GGA1: variants seen among roughly 807,000 people sequenced by gnomAD.
GGA1 encodes ADP-ribosylation factor-binding protein GGA1.
In GGA1, 18 loss-of-function variants were observed where a neutral mutation model predicts 76.9. That is an observed-to-expected ratio of 0.23 (90% CI 0.16 to 0.35). The LOEUF is 0.35. GGA1 is among the 10% of genes least tolerant of loss of function. The pLI is 1.00. For synonymous variants in GGA1, 342 were observed against 354.7 expected (o/e 0.96, Z 0.40); for missense variants, 755 against 859.0 (o/e 0.88, Z 1.51).
intron 3 of GGA1, chr22:37,617,379 TA>T: frequency 9.0e-7 from 1 of 1,106,246 alleles, no homozygotes; most frequent in Non-Finnish European, 1.1e-6. Flanking sequence ...TTTGTAAAGC[TA>T]AGGGGTGGTG....
intron 4 of GGA1, 90 bp from the exon 5 acceptor site, chr22:37,620,148 C>A: frequency 1.4e-6 from 2 of 1,474,584 alleles, no homozygotes; most frequent in Non-Finnish European, 1.9e-6. Context: ...CCCGGGGAGT[C>A]CTGGGGAGGC....
chr22:37,625,752 C>T lies in GGA1; in HGVS notation c.941-45C>T, dbSNP rs367881792. On this transcript the variant is annotated intron_variant, in intron 10 of 16. Coordinates refer to ENST00000343632, the MANE Select transcript of GGA1 (RefSeq NM_013365.5). The surrounding 1 kb of genome is among the most constrained non-coding windows in gnomAD (Gnocchi z 4.1). ...CGCAACCCCTGTGGACTCTGAGAGACACGTGTACACCCAGGACTTGCCAGC... is the reference window on the plus strand; with the variant it reads ...CGCAACCCCTGTGGACTCTGAGAGATACGTGTACACCCAGGACTTGCCAGC... The T allele has an allele frequency of 1.5e-5, 22 of 1,462,128 alleles. No individual in the cohort carries two copies. The highest frequency in any genetic ancestry group is 4.3e-5 in the Admixed American group (2 of 46,398). The allele number at this position is 1,462,128 out of a possible 1,614,324, so 90.6% of individuals were successfully genotyped here.
intron 13 of GGA1, chr22:37,630,635 C>T (rs1423323145): frequency 5.8e-6 from 3 of 517,052 alleles, no homozygotes; most frequent in African/African-American, 2.0e-5. Context: ...GGCATGATCT[C>T]GGCTCACTGC....
In GGA1 at chr22:37,632,935, C is replaced by A. The variant is rs11913963; in HGVS notation, c.*224C>A. The A allele has an allele frequency of 1.8e-6, 1 of 560,658 alleles. No individual in the cohort carries two copies. Among genetic ancestry groups the A allele is most frequent in the South Asian group, 2.2e-5 (1 of 44,698 alleles). 34.7% of individuals were successfully genotyped at this position (560,658 alleles called of 1,614,324 possible). A position where few individuals can be genotyped will look rare whatever the true frequency, so the allele number is the denominator to read the frequency against. On this transcript the variant is annotated 3_prime_UTR_variant, in exon 17 of 17. Transcript: ENST00000343632. This position sits in a 1 kb window ranked among gnomAD's most constrained non-coding sequence, Gnocchi z 5.1. The stretch of plus-strand genomic sequence containing the variant: ...TAGGAGGCTGGGCCTGGGTTTGTGC[C>A]GCTGGGGTCTCCATCACCGGGACCT...
rs1930517854 is a variant in GGA1 at position 37,624,832 on chromosome 22, AGAC to A, written c.833-134_833-132del. The A allele has an allele frequency of 2.5e-6, 3 of 1,213,618 alleles. No individual in the cohort carries two copies. In the South Asian group the frequency reaches 4.4e-5, roughly 18 times the overall value. 75.2% of individuals were successfully genotyped at this position (1,213,618 alleles called of 1,614,324 possible). ...GGTGGCGGAGGGCCAGAGTCTCAGC[AGAC>A]GAGATGGGCTGTTTCCCTGCCCCTT... On this transcript the variant is annotated intron_variant, in intron 9 of 16. Coordinates refer to ENST00000343632, the MANE Select transcript of GGA1 (RefSeq NM_013365.5). The surrounding 1 kb of genome is among the most constrained non-coding windows in gnomAD (Gnocchi z 4.3).
intron 6 of GGA1, 149 bp downstream of exon 6, chr22:37,621,062 G>T: frequency 1.5e-6 from 1 of 647,236 alleles, no homozygotes; most frequent in Non-Finnish European, 2.8e-6. Flanking sequence ...TGTTTACTGG[G>T]CATTTAATAT....
At chr22:37,611,302 C>G (rs1011109606) in intron 1 of GGA1, among the ~76,000 whole-genome samples, 2 of 152,054 alleles carry the variant, frequency 1.3e-5, no homozygotes, top group Non-Finnish European at 2.9e-5. Context: ...CCGATCTCAG[C>G]TCAGCTCTGA....
rs766603973 is a variant in GGA1 at position 37,618,496 on chromosome 22, G to A, written c.253G>A (p.Val85Met). The part of the protein sequence containing the change: ...KSCGKRFHDE[V>M]GKFRFLNELI... ...CTGCGGCAAGCGGTTCCACGACGAA[G>A]TGGGCAAGTTCCGCTTTCTCAACGA... is the stretch of plus-strand genomic sequence containing the variant. Residue 85 changes from valine to methionine, a missense_variant, in exon 4 of 17, where the codon GTG (valine) becomes ATG (methionine). By Grantham distance (21) the Val-to-Met change is conservative. Transcript: ENST00000343632. The A allele has an allele frequency of 1.2e-6, 2 of 1,613,810 alleles. No homozygotes were observed.
intron 11 of GGA1, among the ~76,000 whole-genome samples, chr22:37,628,986 G>T (rs568652583): frequency 6.6e-5 from 10 of 152,350 alleles, no homozygotes; most frequent in African/African-American, 2.2e-4. Flanking sequence ...CTCCAGTCCA[G>T]CCCTGTCCTC....
At position 37,632,367 on chromosome 22, in the gene GGA1, C is replaced by G; in HGVS notation, c.1699-38C>G. 1 of 1,464,912 alleles carries G rather than the reference C, an allele frequency of 6.8e-7. No homozygotes were observed. The highest frequency in any genetic ancestry group is 1.1e-5 in the South Asian group (1 of 88,146). The allele number at this position is 1,464,912 out of a possible 1,614,324, so 90.7% of individuals were successfully genotyped here. A position where few individuals can be genotyped will look rare whatever the true frequency, so the allele number is the denominator to read the frequency against. ...TGGTTCCTCAGAGCAGGACAAGCAG[C>G]CAGGGCTAGCTGTGCCCATCCTGCC... On this transcript the variant is annotated intron_variant, in intron 15 of 16. Transcript: ENST00000343632. The surrounding 1 kb of genome is among the most constrained non-coding windows in gnomAD (Gnocchi z 5.1).
At position 37,632,740 on chromosome 22, in the gene GGA1, A is replaced by G. The variant is rs1161998834; in HGVS notation, c.*29A>G. On this transcript the variant is annotated 3_prime_UTR_variant, in exon 17 of 17. Transcript: ENST00000343632. The surrounding 1 kb of genome is among the most constrained non-coding windows in gnomAD (Gnocchi z 5.1). ...AGAGGGGCTGGGGAGAGGAAGGGGC[A>G]GAGGGACCGGTCACTGTCCAGCCTG... The G allele has an allele frequency of 1.2e-5, 16 of 1,319,774 alleles. No individual in the cohort carries two copies. The highest frequency in any genetic ancestry group is 2.5e-5 in the East Asian group (1 of 40,678). 81.8% of individuals were successfully genotyped at this position (1,319,774 alleles called of 1,614,324 possible).
rs560027511 is a variant in GGA1, at chr22:37,631,056, C to T, written c.1485C>T (p.Leu495=). Reference sequence around the variant, plus strand: ...CGCAGCAGCCCGTACCAACCGAGCTCTCACTGGCCAGCATCACTGTGCCCC... The same window carrying T: ...CGCAGCAGCCCGTACCAACCGAGCTTTCACTGGCCAGCATCACTGTGCCCC... The part of the protein sequence containing the change: ...RPPQQPVPTE[L]SLASITVPLE... The change falls in exon 14 of 17, where the codon CTC becomes CTT. Residue 495 remains leucine (L), a synonymous_variant. Coordinates refer to ENST00000343632, the MANE Select transcript of GGA1 (RefSeq NM_013365.5). 6.8e-6 allele frequency: 11 copies of T among 1,607,458 alleles called. No homozygotes were observed. Among genetic ancestry groups the T allele is most frequent in the Middle Eastern group, 1.7e-4 (1 of 6,026 alleles).
Position 37,632,517 on chromosome 22 carries a change from T to TA in GGA1, c.1809+4dup, listed in dbSNP as rs1932004668. The TA allele has an allele frequency of 1.2e-6, 2 of 1,608,680 alleles. No homozygotes were observed. The highest frequency in any genetic ancestry group is 1.7e-6 in the Non-Finnish European group (2 of 1,175,298). ...CTGCTGCTTGCCAACCCCCAGAAGGTAAGGGGCCCCCAGGCAGTGCTGCAG... is the reference window on the plus strand; with the variant it reads ...CTGCTGCTTGCCAACCCCCAGAAGGTAAAGGGGCCCCCAGGCAGTGCTGCAG... On this transcript the variant is annotated splice_region_variant and intron_variant, in intron 16 of 16. Transcript: ENST00000343632. The surrounding 1 kb of genome is among the most constrained non-coding windows in gnomAD (Gnocchi z 5.1).
intron 2 of GGA1, 56 bp downstream of exon 2, chr22:37,614,330 C>T (rs1051427901): frequency 1.1e-5 from 13 of 1,234,802 alleles, no homozygotes; most frequent in East Asian, 2.3e-5. Flanking sequence ...AACCCAGTCT[C>T]GGGTACAATG....
rs779295283 is a variant in GGA1 at position 37,614,262 on chromosome 22, A to G, written c.116A>G (p.Glu39Gly). The G allele has an allele frequency of 2.5e-6, 4 of 1,612,214 alleles. No individual in the cohort carries two copies. Among genetic ancestry groups the G allele is most frequent in the Non-Finnish European group, 3.4e-6 (4 of 1,178,434 alleles). Residue 39 changes from glutamate to glycine, a missense_variant, in exon 2 of 17, where the codon GAG becomes GGG. By Grantham distance (98) the Glu-to-Gly change is moderately conservative. Coordinates refer to ENST00000343632, the MANE Select transcript of GGA1 (RefSeq NM_013365.5). ...AACGGCTTCTGCGAGCAGCTCAACG[A>G]GGACTTTGAGGGGTAGGTGGCCGTC... is the stretch of plus-strand genomic sequence containing the variant. ...SINGFCEQLN[E>G]DFEGPPLATR...
In GGA1 at chr22:37,624,923, C is replaced by T; in HGVS notation, c.833-46C>T. The T allele has an allele frequency of 6.5e-7, 1 of 1,544,704 alleles. No individual in the cohort carries two copies. Among genetic ancestry groups the T allele is most frequent in the South Asian group, 1.2e-5 (1 of 84,066 alleles). Reference sequence around the variant, plus strand: ...GTCCTCGTCCCCTGCCGCCCAGAGGCCCCCACAGTCCTTCAGCCTGGCCTC... The same window carrying T: ...GTCCTCGTCCCCTGCCGCCCAGAGGTCCCCACAGTCCTTCAGCCTGGCCTC... On this transcript the variant is annotated intron_variant, in intron 9 of 16. Coordinates refer to ENST00000343632, the MANE Select transcript of GGA1 (RefSeq NM_013365.5). The surrounding 1 kb of genome is among the most constrained non-coding windows in gnomAD (Gnocchi z 4.3).
chr22:37,630,653 A>G (rs1931636840), intron 13 of GGA1: 2 of 528,716 alleles, frequency 3.8e-6, no homozygotes, highest in African/African-American at 3.9e-5. Flanking sequence ...TGCAACCTCC[A>G]TCTCCCAAAC....
At chr22:37,615,745 G>A (rs574918691) in intron 2 of GGA1, among the ~76,000 whole-genome samples, 14 of 152,150 alleles carry the variant, frequency 9.2e-5, no homozygotes, top group African/African-American at 3.1e-4. Flanking sequence ...GCATGGTGAC[G>A]GTGAGACTCC....
chr22:37,628,063 A>G (rs1374216107), intron 11 of GGA1, among the ~76,000 whole-genome samples: 2 of 152,202 alleles, frequency 1.3e-5, no homozygotes, highest in Non-Finnish European at 2.9e-5. Flanking sequence ...CCTGGCCTCA[A>G]GTGATCCACC....
Sources: gnomAD v4.1 joint callset for allele counts (sites outside exome capture counted in the v4.1 genomes callset) on GRCh38, gnomAD v4.1.1 for gene constraint, Gnocchi (gnomAD v3.1) non-coding constraint, MANE v1.5 for transcripts, NCBI Gene and HGNC (gene_info 2026-07-23, HGNC 2026-07-21) for gene names.